The following DSG3 variants were observed in gnomAD, a reference collection of about 807,000 sequenced individuals.
The protein encoded by DSG3 is desmoglein 3, also known as desmoglein-3.
Under a neutral mutation model 85.9 loss-of-function variants are expected in DSG3, and 63 were observed. That is an observed-to-expected ratio of 0.73 (90% CI 0.60 to 0.90). The LOEUF (loss-of-function observed/expected upper bound fraction) is 0.90, where lower values mean the gene tolerates loss of function less well. Among genes scored for constraint, DSG3 ranks in the 40% least tolerant of loss-of-function variants. DSG3 has a pLI of 0.00. For synonymous variants in DSG3, 447 were observed against 441.9 expected (o/e 1.01, Z -0.14); for missense variants, 1,220 against 1,219.9 (o/e 1.00, Z 0.00).
intron 8 of DSG3, among the ~76,000 whole-genome samples, chr18:31,463,906 C>G (rs947762972): frequency 6.6e-6 from 1 of 152,114 alleles, no homozygotes; most frequent in African/African-American, 2.4e-5. Context: ...AAGAGGTACC[C>G]TTATTAGTAC....
In DSG3 at chr18:31,476,402, T is replaced by A; in HGVS notation, c.*142T>A. 1 of 995,724 alleles carries A rather than the reference T, an allele frequency of 1.0e-6. No individual in the cohort carries two copies. The highest frequency in any genetic ancestry group is 1.4e-6 in the Non-Finnish European group (1 of 707,412). The allele number at this position is 995,724 out of a possible 1,614,324, so 61.7% of individuals were successfully genotyped here. ...TCATAAACTGATCACGATTATAAAT[T>A]AAATGTTTGGGTTCATACCCCAAAA... On this transcript the variant is annotated 3_prime_UTR_variant, in exon 16 of 16. Coordinates refer to ENST00000257189, the MANE Select transcript of DSG3 (RefSeq NM_001944.3).
chr18:31,464,563 T>G (rs879101352), intron 9 of DSG3, among the ~76,000 whole-genome samples, 181 bp downstream of exon 9: 1 of 152,152 alleles, frequency 6.6e-6, no homozygotes, highest in Admixed American at 6.5e-5. Flanking sequence ...CTAACTGTAC[T>G]AGAAGCAAAG....
In DSG3 at chr18:31,459,989, T is replaced by G. The variant is rs1295866347; in HGVS notation, c.662T>G (p.Leu221Trp). 1.9e-6 allele frequency: 3 copies of G among 1,613,806 alleles called. No homozygotes were observed. The East Asian group carries it at 6.7e-5, about 36-fold the overall frequency. Residue 221 changes from leucine to tryptophan, a missense_variant, in exon 6 of 16, where the codon TTG becomes TGG. Leu to Trp is a moderately conservative substitution (Grantham distance 61). Transcript: ENST00000257189. ...AGAAACACTGGGGAAGTCCGTACTT[T>G]GACCAATTCTCTTGACCGAGAGGTA... ...LSRNTGEVRT[L>W]TNSLDREQAS... is the part of the protein sequence containing the mutation.
rs1568092176 is a variant in DSG3 at position 31,474,373 on chromosome 18, G to T, written c.2354G>T (p.Ser785Ile). 1 of 1,608,452 alleles carries T rather than the reference G, an allele frequency of 6.2e-7. No individual in the cohort carries two copies. Residue 785 changes from serine to isoleucine, a missense_variant, in exon 15 of 16, where the codon AGC becomes ATC. Coordinates refer to ENST00000257189, the MANE Select transcript of DSG3 (RefSeq NM_001944.3). ...TNKDYADGAISMNFLDSYFSQ... is the reference protein window; with the variant it reads ...TNKDYADGAIIMNFLDSYFSQ... The stretch of plus-strand genomic sequence containing the variant: ...AAGGACTACGCTGATGGGGCGATAA[G>T]CATGAATTTTCTGGACTCCTACTTT...
intron 11 of DSG3, among the ~76,000 whole-genome samples, chr18:31,467,823 G>A (rs938283236): frequency 6.6e-6 from 1 of 152,224 alleles, no homozygotes; most frequent in African/African-American, 2.4e-5. Context: ...CACTGCCAGA[G>A]TTACCAAAGG....
intron 1 of DSG3, among the ~76,000 whole-genome samples, chr18:31,448,669 GAA>G (rs2072693416): frequency 7.9e-6 from 1 of 127,298 alleles, no homozygotes; most frequent in South Asian, 2.6e-4. Context: ...AAAAAAAAAA[GAA>G]AAGTCACAAT....
intron 11 of DSG3, among the ~76,000 whole-genome samples, chr18:31,468,597 C>A (rs2072836371): frequency 6.6e-6 from 1 of 152,190 alleles, no homozygotes; most frequent in Admixed American, 6.5e-5. Flanking sequence ...ACTCTATTAT[C>A]AACCCTATTG....
chr18:31,456,332 A>G, intron 1 of DSG3, 108 bp from the exon 2 acceptor site: 1 of 782,910 alleles, frequency 1.3e-6, no homozygotes, highest in Non-Finnish European at 1.8e-6. Flanking sequence ...TGAAATAGAA[A>G]CAAATCACAA....
At position 31,473,996 on chromosome 18, in the gene DSG3, A is replaced by G. The variant is rs3810004; in HGVS notation, c.2102-125A>G. 1.8e-4 allele frequency: 154 copies of G among 873,124 alleles called. No homozygotes were observed. The East Asian group carries it at 4.0e-3, about 23-fold the overall frequency. 54.1% of individuals were successfully genotyped at this position (873,124 alleles called of 1,614,324 possible). A position where few individuals can be genotyped will look rare whatever the true frequency, so the allele number is the denominator to read the frequency against. On this transcript the variant is annotated intron_variant, in intron 14 of 15. Coordinates refer to ENST00000257189, the MANE Select transcript of DSG3 (RefSeq NM_001944.3). ...GTGGGATGTTATCACCTCTAGTCAT[A>G]TAATTGTATTTTCTCCCACTTACTT...
At chr18:31,456,415 T>C in intron 1 of DSG3, 25 bp from the exon 2 acceptor site, 1 of 1,335,554 alleles carries the variant, frequency 7.5e-7, no homozygotes. Flanking sequence ...TCACATTTAA[T>C]TCGACTTTAT....
chr18:31,463,638 G>A (rs568692627), intron 8 of DSG3, among the ~76,000 whole-genome samples: 21 of 152,252 alleles, frequency 1.4e-4, no homozygotes, highest in African/African-American at 4.8e-4. Flanking sequence ...TGAAGATTCT[G>A]CAAATGACCA....
intron 1 of DSG3, 129 bp from the exon 2 acceptor site, chr18:31,456,311 C>T: frequency 1.6e-6 from 1 of 625,806 alleles, no homozygotes; most frequent in Admixed American, 3.4e-5. Context: ...CTTCTTGAAA[C>T]TTACTTCTTT....
At chr18:31,464,827 C>T (rs759275680) in intron 9 of DSG3, among the ~76,000 whole-genome samples, 1 of 152,104 alleles carries the variant, frequency 6.6e-6, no homozygotes, top group African/African-American at 2.4e-5. Context: ...TTGTGCATAG[C>T]AGATATGCTT....
intron 12 of DSG3, among the ~76,000 whole-genome samples, 159 bp downstream of exon 12, chr18:31,469,508 T>C (rs1387766337): frequency 2.6e-5 from 4 of 152,212 alleles, no homozygotes; most frequent in African/African-American, 9.6e-5. Context: ...ATCTGAAATG[T>C]GTAACATGTC....
chr18:31,468,976 A>C (rs933672522), intron 11 of DSG3, 113 bp from the exon 12 acceptor site: 4 of 1,431,046 alleles, frequency 2.8e-6, no homozygotes, highest in Admixed American at 3.8e-5. Context: ...TGTGAGAAAT[A>C]AATGTGTTTT....
chr18:31,468,201 C>A (rs7227475), intron 11 of DSG3, among the ~76,000 whole-genome samples: 1,556 of 152,266 alleles, frequency 0.01, 34 homozygotes, highest in African/African-American at 0.036. Flanking sequence ...CTCAGATAGG[C>A]AATAGGCCAT....
intron 9 of DSG3, 81 bp downstream of exon 9, chr18:31,464,463 A>G (rs529321142): frequency 1.4e-6 from 2 of 1,404,160 alleles, no homozygotes; most frequent in African/African-American, 1.4e-5. Context: ...ATAAACTATT[A>G]TGTGCCAAGA....
In DSG3 at chr18:31,466,715, G is replaced by A. The variant is rs2072822266; in HGVS notation, c.1597G>A (p.Val533Ile). Residue 533 changes from valine to isoleucine, a missense_variant, in exon 11 of 16, where the codon GTA (valine) becomes ATA (isoleucine). Transcript: ENST00000257189. ...PYTFALEDQP[V>I]KLPAVWSITT... ...TACATTTGCACTGGAAGATCAACCTGTAAAGTTGCCTGCCGTATGGAGTAT... is the reference window on the plus strand; with the variant it reads ...TACATTTGCACTGGAAGATCAACCTATAAAGTTGCCTGCCGTATGGAGTAT... 1 of 1,614,072 alleles carries A rather than the reference G, an allele frequency of 6.2e-7. No homozygotes were observed. The highest frequency in any genetic ancestry group is 8.5e-7 in the Non-Finnish European group (1 of 1,180,032).
intron 5 of DSG3, among the ~76,000 whole-genome samples, chr18:31,459,556 G>A (rs1359006145): frequency 6.6e-6 from 1 of 152,134 alleles, no homozygotes; most frequent in Admixed American, 6.5e-5. Context: ...GTGGAAAGGG[G>A]AGAATTATGA....
Sources: gnomAD v4.1 joint callset for allele counts (sites outside exome capture counted in the v4.1 genomes callset) on GRCh38, gnomAD v4.1.1 for gene constraint, MANE v1.5 for transcripts, NCBI Gene and HGNC (gene_info 2026-07-23, HGNC 2026-07-21) for gene names.